The following ELFN2 variants were observed in gnomAD, a reference collection of about 807,000 sequenced individuals.
The protein encoded by ELFN2 is extracellular leucine rich repeat and fibronectin type III domain containing 2, also known as protein phosphatase 1 regulatory subunit 29.
Under a neutral mutation model 45.5 loss-of-function variants are expected in ELFN2, and 17 were observed. The observed-to-expected ratio is 0.37, with a 90% confidence interval of 0.26 to 0.56. ELFN2 has a LOEUF of 0.56. Among genes scored for constraint, ELFN2 ranks in the 20% least tolerant of loss-of-function variants. The pLI is 0.77. For synonymous variants in ELFN2, 550 were observed against 551.5 expected (o/e 1.00, Z 0.04); for missense variants, 922 against 1,183.2 (o/e 0.78, Z 3.24).
chr22:37,405,919 T>A lies in ELFN2; in HGVS notation c.-463+11850A>T, dbSNP rs1425285583. 7.2e-5 allele frequency among the ~76,000 whole-genome samples: 11 copies of A among 152,010 alleles called. No homozygotes were observed. In the East Asian group the frequency reaches 1.9e-3, roughly 27 times the overall value. ...TGGGAGGCCAAGGCAGGAGGATCAC[T>A]TGAGCCCAGGAGTTTGAGACTAGCC... On this transcript the variant is annotated intron_variant, in intron 2 of 2. Coordinates refer to ENST00000402918, the MANE Select transcript of ELFN2 (RefSeq NM_052906.5).
intron 2 of ELFN2, among the ~76,000 whole-genome samples, chr22:37,384,598 A>C (rs1015237246): frequency 6.8e-5 from 2 of 29,310 alleles, no homozygotes; most frequent in African/African-American, 2.8e-4. Flanking sequence ...TGCCTCCCCC[A>C]CCTGACCCTG....
chr22:37,419,171 G>A (rs536992103), intron 1 of ELFN2, among the ~76,000 whole-genome samples: 1 of 151,236 alleles, frequency 6.6e-6, no homozygotes, highest in Non-Finnish European at 1.5e-5. Flanking sequence ...CCCTCTCCCC[G>A]CCACACTGCC....
At chr22:37,410,754 C>G (rs1056818493) in intron 2 of ELFN2, among the ~76,000 whole-genome samples, 1 of 152,206 alleles carries the variant, frequency 6.6e-6, no homozygotes, top group Non-Finnish European at 1.5e-5. Context: ...GGAGGATGAT[C>G]GGGCCGGAGC....
At chr22:37,359,603 C>T (rs900346441) in intron 1 of ELFN2, among the ~76,000 whole-genome samples, 8 of 152,230 alleles carry the variant, frequency 5.3e-5, no homozygotes, top group Non-Finnish European at 7.3e-5. Context: ...TTCCGTGCCT[C>T]GATACAGCTA....
intron 2 of ELFN2, among the ~76,000 whole-genome samples, chr22:37,378,375 AG>A (rs1931642345): frequency 6.6e-6 from 1 of 152,226 alleles, no homozygotes; most frequent in Non-Finnish European, 1.5e-5. Flanking sequence ...TGCTCAAACC[AG>A]CATCCCCACA....
chr22:37,401,592 G>C (rs1172070938), intron 2 of ELFN2, among the ~76,000 whole-genome samples: 1 of 152,214 alleles, frequency 6.6e-6, no homozygotes, highest in Non-Finnish European at 1.5e-5. Flanking sequence ...CACGGCCCCA[G>C]CTGGACCTGC....
At chr22:37,385,329 A>G (rs738558) in intron 2 of ELFN2, 118,790 of 152,338 alleles carry the variant, frequency 0.78, 46,475 homozygotes, top group Admixed American at 0.83. Context: ...CAACTGCTAC[A>G]CAGTGGCTTC....
chr22:37,341,436 T>C (rs1930557425), intron 2 of ELFN2, among the ~76,000 whole-genome samples: 1 of 152,106 alleles, frequency 6.6e-6, no homozygotes, highest in African/African-American at 2.4e-5. Flanking sequence ...CCAAGCCCAC[T>C]GTGCTCACCC....
At chr22:37,407,530 G>C (rs570293676) in intron 2 of ELFN2, among the ~76,000 whole-genome samples, 4 of 152,242 alleles carry the variant, frequency 2.6e-5, no homozygotes, top group African/African-American at 4.8e-5. Flanking sequence ...GCTCTGTAGA[G>C]AGTCCACCCA....
chr22:37,350,193 C>T (rs182127153), intron 1 of ELFN2, among the ~76,000 whole-genome samples: 2 of 151,024 alleles, frequency 1.3e-5, no homozygotes, highest in African/African-American at 2.4e-5. Context: ...GATGCAACGG[C>T]GAAACCCCCA....
Position 37,352,868 on chromosome 22 carries a change from C to T in ELFN2, n.149-10165G>A, listed in dbSNP as rs547765774. ...AATGCACTCTGATGTTCGTTTTTAA[C>T]GATCTTGCTACTTCTGGCTGCTGGG... On this transcript the variant is annotated intron_variant and non_coding_transcript_variant, in intron 1 of 2. Transcript: ENST00000452946. Among the ~76,000 whole-genome samples the T allele has an allele frequency of 2.6e-5, 4 of 151,060 alleles. No homozygotes were observed. The South Asian group carries it at 6.2e-4, about 24-fold the overall frequency.
intron 1 of ELFN2, chr22:37,420,285 C>T (rs1932800027): frequency 6.6e-6 from 1 of 152,472 alleles, no homozygotes; most frequent in Non-Finnish European, 1.5e-5. Flanking sequence ...ATCGCGCACC[C>T]GCCCCGTGCG....
At chr22:37,340,746 A>T (rs946897878) in exon 3 of ELFN2, 1 of 152,278 alleles carries the variant, frequency 6.6e-6, no homozygotes, top group African/African-American at 2.4e-5. Context: ...CCCATCACAC[A>T]TTCAACGTCT....
chr22:37,401,712 C>G (rs1017964737), intron 2 of ELFN2, among the ~76,000 whole-genome samples: 3 of 151,962 alleles, frequency 2.0e-5, no homozygotes, highest in Non-Finnish European at 4.4e-5. Context: ...GTAACCAAGC[C>G]GGCCCGGCAG....
intron 2 of ELFN2, among the ~76,000 whole-genome samples, chr22:37,395,312 T>C (rs1001910749): frequency 3.9e-5 from 6 of 152,026 alleles, no homozygotes; most frequent in Non-Finnish European, 8.8e-5. Context: ...TCAAGGAGCA[T>C]CAATCGAGTG....
At chr22:37,351,847 A>G (rs1029367142) in intron 1 of ELFN2, among the ~76,000 whole-genome samples, 10 of 150,880 alleles carry the variant, frequency 6.6e-5, no homozygotes, top group Middle Eastern at 3.4e-3. Context: ...TTTTATTTTC[A>G]CTGGGAATGG....
intron 2 of ELFN2, among the ~76,000 whole-genome samples, chr22:37,410,777 G>C (rs570480394): frequency 6.6e-6 from 1 of 152,184 alleles, no homozygotes; most frequent in Non-Finnish European, 1.5e-5. Flanking sequence ...CACGGCCAGC[G>C]GGGGATGAAT....
chr22:37,380,900 C>G (rs1931741747), intron 2 of ELFN2, among the ~76,000 whole-genome samples: 1 of 152,142 alleles, frequency 6.6e-6, no homozygotes, highest in Non-Finnish European at 1.5e-5. Flanking sequence ...CATGGAGCTC[C>G]CTGGGCCTCA....
At chr22:37,376,711 T>A (rs1168985438) in intron 2 of ELFN2, among the ~76,000 whole-genome samples, 1 of 152,036 alleles carries the variant, frequency 6.6e-6, no homozygotes, top group Non-Finnish European at 1.5e-5. Context: ...TGGGGAGACC[T>A]CATCTCACAG....
Sources: gnomAD v4.1 joint callset for allele counts (sites outside exome capture counted in the v4.1 genomes callset) on GRCh38, gnomAD v4.1.1 for gene constraint, MANE v1.5 for transcripts, NCBI Gene and HGNC (gene_info 2026-07-23, HGNC 2026-07-21) for gene names.